The following RNF10 variants were observed in gnomAD, a reference collection of about 807,000 sequenced individuals.
RNF10 encodes the protein E3 ubiquitin-protein ligase RNF10.
RNF10 carries 38 observed loss-of-function variants against 91.4 expected under a neutral mutation model. The ratio of observed to expected loss-of-function variants is 0.42; its 90% CI spans 0.32 to 0.54. The LOEUF (loss-of-function observed/expected upper bound fraction) is 0.54, where lower values mean the gene tolerates loss of function less well. Ranked by LOEUF, RNF10 falls within the 20% of genes least tolerant of loss-of-function variation. The probability of loss-of-function intolerance (pLI) is 0.16; values close to 1 mark genes in which losing one functional copy is unlikely to be tolerated. For synonymous variants in RNF10, 364 were observed against 366.3 expected, an observed-to-expected ratio of 0.99 and a Z score of 0.07; for missense variants, 945 against 1,012.0, an observed-to-expected ratio of 0.93 and a Z score of 0.90.
chr12:120,567,092 A>G lies in RNF10; in HGVS notation c.2041+112A>G, dbSNP rs1875856957. 4 of 1,019,494 alleles carry G rather than the reference A, an allele frequency of 3.9e-6. No homozygotes were observed. In the South Asian group the frequency reaches 6.8e-5, roughly 17 times the overall value. The allele number at this position is 1,019,494 out of a possible 1,614,324, so 63.2% of individuals were successfully genotyped here. A position where few individuals can be genotyped will look rare whatever the true frequency, so the allele number is the denominator to read the frequency against. ...AGCATGGTGTGGACTTCAGGGGCAT[A>G]ACCTTACTTTGGTAGTCCTGAGGTA... On this transcript the variant is annotated intron_variant, in intron 13 of 16. Coordinates refer to ENST00000325954, the MANE Select transcript of RNF10 (RefSeq NM_014868.5).
chr12:120,540,970 C>T (rs1376308363), intron 1 of RNF10, among the ~76,000 whole-genome samples: 1 of 152,026 alleles, frequency 6.6e-6, no homozygotes, highest in Non-Finnish European at 1.5e-5. Context: ...ATTCTCCTGC[C>T]TCAGCCCCCG....
intron 1 of RNF10, among the ~76,000 whole-genome samples, chr12:120,541,572 C>G (rs1483100631): frequency 6.6e-6 from 1 of 151,536 alleles, no homozygotes; most frequent in Non-Finnish European, 1.5e-5. Context: ...GCAGCTGGGA[C>G]TACAGGCGCC....
intron 10 of RNF10, among the ~76,000 whole-genome samples, chr12:120,564,511 GCTC>G (rs2137234682): frequency 6.6e-6 from 1 of 152,210 alleles, no homozygotes; most frequent in African/African-American, 2.4e-5. Flanking sequence ...TGTTGTCCCA[GCTC>G]CTCAGGAGGC....
chr12:120,575,813 C>G lies in RNF10; in HGVS notation c.2222C>G (p.Pro741Arg). Residue 741 changes from proline (P) to arginine (R), a missense_variant, in exon 16 of 17, where the codon CCT (proline) becomes CGT (arginine). Pro to Arg is a moderately radical substitution (Grantham distance 103, BLOSUM62 -2). Coordinates refer to ENST00000325954, the MANE Select transcript of RNF10 (RefSeq NM_014868.5). ...PKKDENSLVP[P>R]APVDSDGESD... Reference sequence around the variant, plus strand: ...TTAGATGAGAACAGCTTAGTTCCTCCTGCCCCTGTGGACAGCGACGGGGAG... The same window carrying G: ...TTAGATGAGAACAGCTTAGTTCCTCGTGCCCCTGTGGACAGCGACGGGGAG... 6.2e-7 allele frequency: 1 copy of G among 1,614,190 alleles called. No homozygotes were observed.
chr12:120,547,267 T>C (rs1271750151), intron 2 of RNF10, among the ~76,000 whole-genome samples: 1 of 152,152 alleles, frequency 6.6e-6, no homozygotes, highest in Non-Finnish European at 1.5e-5. Context: ...GAGAGAGACC[T>C]AAAAGAAGCA....
intron 1 of RNF10, 31 bp downstream of exon 1, chr12:120,534,999 G>A (rs1441957078): frequency 6.4e-7 from 1 of 1,562,980 alleles, no homozygotes; most frequent in Admixed American, 1.9e-5. Flanking sequence ...GTGGGCGGGG[G>A]CGACTGCCCC....
intron 1 of RNF10, among the ~76,000 whole-genome samples, chr12:120,546,176 C>T (rs1451953467): frequency 6.6e-6 from 1 of 152,106 alleles, no homozygotes; most frequent in Admixed American, 6.5e-5. Flanking sequence ...GTTTGATCTA[C>T]GCTGTGTTTG....
intron 12 of RNF10, among the ~76,000 whole-genome samples, chr12:120,566,621 G>C (rs1875744465): frequency 6.6e-6 from 1 of 152,100 alleles, no homozygotes; most frequent in African/African-American, 2.4e-5. Flanking sequence ...AATTAGCTAG[G>C]TGTGGTGGCA....
intron 1 of RNF10, among the ~76,000 whole-genome samples, chr12:120,544,807 C>T (rs1872071916): frequency 6.6e-6 from 1 of 152,164 alleles, no homozygotes; most frequent in African/African-American, 2.4e-5. Context: ...GACATAATCA[C>T]CTAAGCCTCT....
In RNF10 at chr12:120,549,541, T is replaced by A. The variant is rs530442379; in HGVS notation, c.354+2940T>A. On this transcript the variant is annotated intron_variant, in intron 2 of 16. Coordinates refer to ENST00000325954, the MANE Select transcript of RNF10 (RefSeq NM_014868.5). ...GGCTCACAGCTGTAATCCCAGCACTTTGGGAGGCCAAGGAGGGTGGATCTC... is the reference window on the plus strand; with the variant it reads ...GGCTCACAGCTGTAATCCCAGCACTATGGGAGGCCAAGGAGGGTGGATCTC... 6.6e-3 allele frequency among the ~76,000 whole-genome samples: 1,002 copies of A among 152,216 alleles called. 5 individuals are homozygous for A. Among genetic ancestry groups the A allele is most frequent in the South Asian group, 0.015 (70 of 4,816 alleles).
chr12:120,547,080 C>T (rs1872450522), intron 2 of RNF10, among the ~76,000 whole-genome samples: 1 of 151,906 alleles, frequency 6.6e-6, no homozygotes, highest in African/African-American at 2.4e-5. Context: ...TGGGAAATAA[C>T]CTAAATGCCT....
chr12:120,568,466 G>A (rs1338111335), intron 13 of RNF10, among the ~76,000 whole-genome samples: 1 of 148,030 alleles, frequency 6.8e-6, no homozygotes, highest in Non-Finnish European at 1.5e-5. Context: ...CCTGGCACAT[G>A]GTTTATTAAT....
Position 120,577,172 on chromosome 12 carries a change from G to A in RNF10, c.*506G>A, listed in dbSNP as rs1459578870. ...GAATAAAATGGATTTAGGACACCCA[G>A]TTTGAATTGCAGTTTTTTTTTTTCT... On this transcript the variant is annotated 3_prime_UTR_variant, in exon 17 of 17. Transcript: ENST00000325954. 2.2e-6 allele frequency: 1 copy of A among 452,346 alleles called. No homozygotes were observed. Among genetic ancestry groups the A allele is most frequent in the African/African-American group, 2.0e-5 (1 of 49,802 alleles). The allele number at this position is 452,346 out of a possible 1,614,324, so 28.0% of individuals were successfully genotyped here.
chr12:120,551,641 A>G (rs1284089379), intron 2 of RNF10, among the ~76,000 whole-genome samples: 1 of 148,806 alleles, frequency 6.7e-6, no homozygotes, highest in Non-Finnish European at 1.5e-5. Context: ...TTTATTTTTT[A>G]GACACAGAAT....
Position 120,575,866 on chromosome 12 carries a change from C to T in RNF10, c.2275C>T (p.Pro759Ser). 1.9e-6 allele frequency: 3 copies of T among 1,614,162 alleles called. No individual in the cohort carries two copies. Among genetic ancestry groups the T allele is most frequent in the Non-Finnish European group, 1.7e-6 (2 of 1,180,014 alleles). The change falls in exon 16 of 17, where the codon CCC (proline) becomes TCC (serine). Residue 759 changes from proline (P) to serine (S), a missense_variant. By Grantham distance (74) the Pro-to-Ser change is moderately conservative. Transcript: ENST00000325954. ...TGATAATTCAGACCGTGTTCCTGTG[C>T]CCAGTTTTCAAAATTCCTTCAGCCA... ...ESDNSDRVPV[P>S]SFQNSFSQAI...
intron 1 of RNF10, among the ~76,000 whole-genome samples, chr12:120,535,246 A>G (rs952938092): frequency 3.3e-5 from 5 of 152,216 alleles, no homozygotes; most frequent in Admixed American, 6.5e-5. Context: ...TCACCCAGCT[A>G]GTATTTGGCT....
At chr12:120,566,238 G>C (rs1348060495) in intron 12 of RNF10, among the ~76,000 whole-genome samples, 1 of 152,160 alleles carries the variant, frequency 6.6e-6, no homozygotes, top group Non-Finnish European at 1.5e-5. Context: ...TTCAGGAATA[G>C]GATTTTTTGT....
chr12:120,537,582 T>G (rs1565941850), intron 1 of RNF10, among the ~76,000 whole-genome samples: 1 of 152,078 alleles, frequency 6.6e-6, no homozygotes, highest in Non-Finnish European at 1.5e-5. Context: ...AAGCCAAGAT[T>G]GCACCATTGC....
At chr12:120,569,789 C>T (rs964350268) in intron 13 of RNF10, among the ~76,000 whole-genome samples, 7 of 151,990 alleles carry the variant, frequency 4.6e-5, no homozygotes, top group Non-Finnish European at 7.4e-5. Flanking sequence ...CCGCCTGCCT[C>T]GGCCTCCCAG....
Sources: gnomAD v4.1 joint callset for allele counts (sites outside exome capture counted in the v4.1 genomes callset) on GRCh38, gnomAD v4.1.1 for gene constraint, MANE v1.5 for transcripts, NCBI Gene and HGNC (gene_info 2026-07-23, HGNC 2026-07-21) for gene names.